Variants in MTF2 observed in about 807,000 individuals in gnomAD.
MTF2 encodes metal-response element-binding transcription factor 2.
In MTF2, 11 loss-of-function variants were observed where a neutral mutation model predicts 79.5. The observed-to-expected ratio is 0.14, with a 90% CI of 0.09 to 0.23. The LOEUF is 0.23. Ranked by LOEUF, MTF2 falls within the 10% of genes least tolerant of loss-of-function variation. The pLI, the probability that MTF2 is intolerant of heterozygous loss-of-function variation, is 1.00. For missense variants in MTF2, 486 were observed against 711.2 expected (o/e 0.68, Z 3.60); for synonymous variants, 208 against 232.8 (o/e 0.89, Z 0.97).
intron 12 of MTF2, 27 bp downstream of exon 12, chr1:93,133,835 T>C (rs1353191504): frequency 6.4e-7 from 1 of 1,564,620 alleles, no homozygotes; most frequent in Non-Finnish European, 8.8e-7. Context: ...GTATATGTTC[T>C]CAAGAAGAAG....
intron 1 of MTF2, 119 bp from the exon 2 acceptor site, chr1:93,110,110 AT>A: frequency 1.1e-6 from 1 of 915,400 alleles, no homozygotes; most frequent in South Asian, 1.7e-5. Flanking sequence ...GGTACTTTTT[AT>A]ATTTTTGTCT....
chr1:93,121,371 A>G (rs960843309), intron 9 of MTF2: 1 of 804,542 alleles, frequency 1.2e-6, no homozygotes, highest in Non-Finnish European at 1.5e-6. Context: ...TAGAATTACT[A>G]AAGTACATAT....
At chr1:93,104,700 A>C (rs766326557) in intron 1 of MTF2, among the ~76,000 whole-genome samples, 1 of 150,114 alleles carries the variant, frequency 6.7e-6, no homozygotes. Flanking sequence ...AAAAAAGTAG[A>C]TAAAGATGAA....
intron 1 of MTF2, among the ~76,000 whole-genome samples, chr1:93,106,484 A>T (rs1408010411): frequency 2.7e-5 from 4 of 149,874 alleles, no homozygotes; most frequent in Non-Finnish European, 4.4e-5. Flanking sequence ...AACTGAAGGG[A>T]TGCAAAATCC....
intron 6 of MTF2, among the ~76,000 whole-genome samples, chr1:93,117,904 G>C (rs1656314607): frequency 6.6e-6 from 1 of 151,590 alleles, no homozygotes; most frequent in South Asian, 2.1e-4. Flanking sequence ...GCATGCCTGT[G>C]GTCCTAGCTA....
At chr1:93,082,438 AC>A (rs555815988) in intron 1 of MTF2, among the ~76,000 whole-genome samples, 292 of 151,860 alleles carry the variant, frequency 1.9e-3, no homozygotes, top group African/African-American at 6.8e-3. Flanking sequence ...ACACCACCAC[AC>A]CTGGCTAATT....
chr1:93,118,241 C>G (rs942893877), intron 6 of MTF2, 104 bp from the exon 7 acceptor site: 66 of 594,890 alleles, frequency 1.1e-4, no homozygotes, highest in East Asian at 3.1e-5. Flanking sequence ...TTAATTAGAA[C>G]AGTATTGTGG....
intron 1 of MTF2, among the ~76,000 whole-genome samples, chr1:93,082,713 A>T (rs567645841): frequency 1.3e-5 from 2 of 152,222 alleles, no homozygotes; most frequent in Non-Finnish European, 2.9e-5. Flanking sequence ...TTATATGTAC[A>T]TAATTCACAT....
rs182932990 is a variant in MTF2 at position 93,131,445 on chromosome 1, C to T, written c.1160+1997C>T. ...AGGACTGGGTGAAAGTATGACTGAA[C>T]CCAGCATTGCCAAATTTACGTGTCA... On this transcript the variant is annotated intron_variant, in intron 11 of 14. Coordinates refer to ENST00000370298, the MANE Select transcript of MTF2 (RefSeq NM_007358.4). Among the ~76,000 whole-genome samples the T allele has an allele frequency of 2.2e-4, 33 of 152,238 alleles. No individual in the cohort carries two copies. The South Asian group carries it at 3.9e-3, about 18-fold the overall frequency.
At chr1:93,133,836 CAAG>C (rs1647250823) in intron 12 of MTF2, 28 bp downstream of exon 12, 1 of 1,560,792 alleles carries the variant, frequency 6.4e-7, no homozygotes, top group East Asian at 2.2e-5. Flanking sequence ...TATATGTTCT[CAAG>C]AAGAAGGATG....
chr1:93,130,010 A>C (rs1347779530), intron 11 of MTF2, among the ~76,000 whole-genome samples: 2 of 152,228 alleles, frequency 1.3e-5, no homozygotes, highest in African/African-American at 4.8e-5. Flanking sequence ...GATAATATTT[A>C]AATTAAGACT....
chr1:93,120,565 C>T lies in MTF2; in HGVS notation c.814C>T (p.Leu272=). 1 of 1,604,674 alleles carries T rather than the reference C, an allele frequency of 6.2e-7. No homozygotes were observed. Among genetic ancestry groups the T allele is most frequent in the Non-Finnish European group, 8.5e-7 (1 of 1,175,860 alleles). The change falls in exon 9 of 15, where the codon CTA becomes TTA. Residue 272 remains leucine, a synonymous_variant. Transcript: ENST00000370298. Reference sequence around the variant, plus strand: ...GGATTCCAGGGTAGATATAGCACACCTATGCCTTTACAACCTAAGTGTTAT... The same window carrying T: ...GGATTCCAGGGTAGATATAGCACACTTATGCCTTTACAACCTAAGTGTTAT... ...LPLQWVDIAH[L]CLYNLSVIHK...
chr1:93,084,537 G>A (rs538802827), intron 1 of MTF2, among the ~76,000 whole-genome samples: 25 of 152,152 alleles, frequency 1.6e-4, no homozygotes, highest in South Asian at 8.3e-4. Context: ...AACGCAGCTG[G>A]GATTTTGGTA....
chr1:93,115,412 AG>A, intron 5 of MTF2, 57 bp from the exon 6 acceptor site: 1 of 1,313,468 alleles, frequency 7.6e-7, no homozygotes, highest in African/African-American at 1.5e-5. Context: ...TTTAAAGTAT[AG>A]AATTGTGTTT....
At chr1:93,088,857 C>T (rs1295843952) in intron 1 of MTF2, among the ~76,000 whole-genome samples, 1 of 152,042 alleles carries the variant, frequency 6.6e-6, no homozygotes, top group Admixed American at 6.6e-5. Context: ...CAGGCATGAA[C>T]CACCATGCCC....
At chr1:93,115,396 G>A (rs1656210327) in intron 5 of MTF2, 74 bp from the exon 6 acceptor site, 1 of 1,193,902 alleles carries the variant, frequency 8.4e-7, no homozygotes, top group Non-Finnish European at 1.1e-6. Flanking sequence ...AAGTGTCAGA[G>A]TCGTTTTTAA....
chr1:93,119,308 T>A, intron 7 of MTF2, 25 bp from the exon 8 acceptor site: 1 of 1,497,860 alleles, frequency 6.7e-7, no homozygotes, highest in Non-Finnish European at 9.0e-7. Context: ...AGTATAAAAC[T>A]TTTTCTTTTT....
chr1:93,079,361 A>T lies in MTF2; in HGVS notation c.-166A>T. ...AGGCCGGTGTAAGAACGCTCATTCT[A>T]CCCCCAACCCTTGTCTCCAAGGACC... On this transcript the variant is annotated 5_prime_UTR_variant, in exon 1 of 15. Coordinates refer to ENST00000370298, the MANE Select transcript of MTF2 (RefSeq NM_007358.4). 1.3e-6 allele frequency: 1 copy of T among 778,696 alleles called. No individual in the cohort carries two copies. Among genetic ancestry groups the T allele is most frequent in the Non-Finnish European group, 2.2e-6 (1 of 456,796 alleles). The allele number at this position is 778,696 out of a possible 1,614,324, so 48.2% of individuals were successfully genotyped here.
Position 93,129,334 on chromosome 1 carries a change from G to T in MTF2, c.1046G>T (p.Arg349Leu). Residue 349 changes from arginine (R) to leucine (L), a missense_variant, in exon 11 of 15, where the codon CGT becomes CTT. Arg to Leu is a moderately radical substitution (Grantham distance 102). Around this residue, in one of 4 missense-constraint regions of MTF2, gnomAD observed 177 missense variants for 364.0 expected, o/e 0.49. Transcript: ENST00000370298. ...AAGCATTTGTTTGGGTTGCGAATTC[G>T]TGTTCCTCCTGTGCCACCAAATGTG... ...KKKHLFGLRIRVPPVPPNVAF... is the reference protein window; with the variant it reads ...KKKHLFGLRILVPPVPPNVAF... The T allele has an allele frequency of 6.3e-7, 1 of 1,590,684 alleles. No individual in the cohort carries two copies. Among genetic ancestry groups the T allele is most frequent in the East Asian group, 2.2e-5 (1 of 44,534 alleles).
Sources: allele counts gnomAD v4.1 joint callset (sites outside exome capture counted in the v4.1 genomes callset), GRCh38; gene constraint gnomAD v4.1.1; regional missense constraint gnomAD v4.1.1; transcripts MANE v1.5; gene names NCBI Gene and HGNC (gene_info 2026-07-23, HGNC 2026-07-21).